MBNL3: variants seen among roughly 807,000 people sequenced by gnomAD.
MBNL3 encodes muscleblind-like protein 3.
Under a neutral mutation model 24.5 loss-of-function variants are expected in MBNL3, and 6 were observed. The observed-to-expected ratio is 0.25, with a 90% confidence interval of 0.13 to 0.48. MBNL3 has a LOEUF of 0.48. Among genes scored for constraint, MBNL3 ranks in the 20% least tolerant of loss-of-function variants. MBNL3 has a pLI of 0.99. For missense variants in MBNL3, 230 were observed against 293.5 expected, an observed-to-expected ratio of 0.78 and a Z score of 1.58; for synonymous variants, 100 against 101.7, an observed-to-expected ratio of 0.98 and a Z score of 0.10.
At chrX:132,390,608 G>A (rs1473480026) in intron 5 of MBNL3, among the ~76,000 whole-genome samples, 1 of 111,362 alleles carries the variant, frequency 9.0e-6, no homozygotes, top group Non-Finnish European at 1.9e-5. Flanking sequence ...CTCTGAAAAT[G>A]GGAGAAAGAG....
chrX:132,421,761 A>T (rs1943839398), intron 2 of MBNL3, among the ~76,000 whole-genome samples: 1 of 111,550 alleles, frequency 9.0e-6, no homozygotes, highest in Non-Finnish European at 1.9e-5. Context: ...ATGGAGCATC[A>T]CACTCTAGTT....
At chrX:132,479,611 T>C (rs187453926) in intron 1 of MBNL3, among the ~76,000 whole-genome samples, 199 of 112,325 alleles carry the variant, frequency 1.8e-3, no homozygotes, top group Admixed American at 5.4e-3. Context: ...TTCACTTTTG[T>C]GAACTGGTAA....
chrX:132,433,265 AT>A (rs1160937564), intron 2 of MBNL3, among the ~76,000 whole-genome samples: 8 of 111,949 alleles, frequency 7.1e-5, no homozygotes, highest in African/African-American at 2.6e-4. Context: ...ATCAATCTTG[AT>A]CTTGAGCAAA....
intron 3 of MBNL3, 30 bp from the exon 4 acceptor site, chrX:132,392,364 T>C (rs765536816): frequency 1.5e-5 from 16 of 1,094,213 alleles, no homozygotes; most frequent in Non-Finnish European, 2.0e-5. Flanking sequence ...AAAAAGATGT[T>C]AGAGGTAAAG....
intron 1 of MBNL3, among the ~76,000 whole-genome samples, chrX:132,445,620 A>G (rs760641527): frequency 9.0e-6 from 1 of 110,858 alleles, no homozygotes; most frequent in East Asian, 2.8e-4. Context: ...AAACACCCCA[A>G]CTCAGTTCAT....
At chrX:132,475,511 G>A (rs931900215) in intron 1 of MBNL3, among the ~76,000 whole-genome samples, 1 of 111,374 alleles carries the variant, frequency 9.0e-6, no homozygotes, top group Non-Finnish European at 1.9e-5. Flanking sequence ...AGATGCCAAA[G>A]AGAGTATTTG....
intron 2 of MBNL3, among the ~76,000 whole-genome samples, chrX:132,409,064 C>G (rs747785299): frequency 8.9e-6 from 1 of 112,110 alleles, no homozygotes; most frequent in African/African-American, 3.2e-5. Context: ...CCGTGCAATA[C>G]AACATTTCAA....
chrX:132,489,544 A>G (rs1022143633), upstream of MBNL3, among the ~76,000 whole-genome samples: 4 of 110,647 alleles, frequency 3.6e-5, no homozygotes, highest in African/African-American at 1.3e-4. Flanking sequence ...CCTCCGCCGG[A>G]CGCCAGACGT....
At chrX:132,437,415 T>C (rs1945171409) in intron 2 of MBNL3, among the ~76,000 whole-genome samples, 1 of 112,193 alleles carries the variant, frequency 8.9e-6, no homozygotes, top group Non-Finnish European at 1.9e-5. Flanking sequence ...ACAACAAACA[T>C]TTAGTTGATA....
intron 1 of MBNL3, among the ~76,000 whole-genome samples, chrX:132,453,681 AAAT>A (rs1169125297): frequency 3.6e-5 from 4 of 111,698 alleles, no homozygotes; most frequent in Non-Finnish European, 5.6e-5. Context: ...ACATTTTGCT[AAAT>A]AATAAGCTCA....
rs1168726706 is a variant in MBNL3 at position 132,396,594 on chromosome X, ATATATATTCC to A, written c.343-4270_343-4261del. Reference sequence around the variant, plus strand: ...TATATATATTCCTATATATATTCCTATATATATTCCTATATATATTCATATATATATTCAT... The same window carrying A: ...TATATATATTCCTATATATATTCCTATATATATATTCATATATATATTCAT... On this transcript the variant is annotated intron_variant, in intron 3 of 8. Coordinates refer to ENST00000370853, the MANE Select transcript of MBNL3 (RefSeq NM_001386889.1). Among the ~76,000 whole-genome samples, 25 of 53,298 alleles carry A rather than the reference ATATATATTCC, an allele frequency of 4.7e-4. 1 individual carries two copies. The highest frequency in any genetic ancestry group is 0.021 in the Middle Eastern group (1 of 47). The allele number at this position is 53,298 out of a possible 115,157, so 46.3% of individuals were successfully genotyped here.
intron 8 of MBNL3, among the ~76,000 whole-genome samples, chrX:132,379,920 C>T (rs759800076): frequency 2.1e-4 from 24 of 112,277 alleles, no homozygotes; most frequent in Non-Finnish European, 4.3e-4. Context: ...AACAGAGATG[C>T]AATCCAATGT....
chrX:132,411,590 AC>A (rs751261335), intron 2 of MBNL3: 390 of 142,902 alleles, frequency 2.7e-3, no homozygotes, highest in Non-Finnish European at 4.0e-3. Flanking sequence ...GACTTTCACT[AC>A]CCAATATGGA....
chrX:132,469,512 C>A (rs1218458739), intron 1 of MBNL3, among the ~76,000 whole-genome samples: 1 of 112,018 alleles, frequency 8.9e-6, no homozygotes, highest in African/African-American at 3.2e-5. Context: ...TGATGTGGGT[C>A]TTCAGGTAAG....
At chrX:132,387,274 GAAA>G (rs1230246022) in intron 5 of MBNL3, among the ~76,000 whole-genome samples, 1 of 22,630 alleles carries the variant, frequency 4.4e-5, no homozygotes, top group African/African-American at 2.2e-4. Context: ...CCTGTCTCAA[GAAA>G]AAAAAAAAAA....
At chrX:132,408,114 T>TACCAA (rs1309086973) in intron 2 of MBNL3, among the ~76,000 whole-genome samples, 5 of 46,087 alleles carry the variant, frequency 1.1e-4, no homozygotes, top group Non-Finnish European at 1.7e-4. Context: ...TTTTTTTTTT[T>TACCAA]TTTTTTTTTT....
intron 1 of MBNL3, among the ~76,000 whole-genome samples, chrX:132,443,982 AGTCC>A (rs1170531723): frequency 7.2e-5 from 1 of 13,895 alleles, no homozygotes; most frequent in African/African-American, 2.5e-4. Context: ...CTGACTCCAG[AGTCC>A]GCCCCCCCCC....
chrX:132,415,486 A>G (rs1310006429), intron 2 of MBNL3, among the ~76,000 whole-genome samples: 1 of 111,963 alleles, frequency 8.9e-6, no homozygotes, highest in Non-Finnish European at 1.9e-5. Flanking sequence ...ATAACCAGCC[A>G]CATATCTCTC....
intron 2 of MBNL3, among the ~76,000 whole-genome samples, chrX:132,438,605 T>C: frequency 1.8e-5 from 2 of 110,300 alleles, no homozygotes. Flanking sequence ...TTATTGCTTC[T>C]ATGTTTTAAT....
Sources: allele counts gnomAD v4.1 joint callset (sites outside exome capture counted in the v4.1 genomes callset), GRCh38; gene constraint gnomAD v4.1.1; transcripts MANE v1.5; gene names NCBI Gene and HGNC (gene_info 2026-07-23, HGNC 2026-07-21).